TMEM74B: variants seen among roughly 807,000 people sequenced by gnomAD.
TMEM74B encodes transmembrane protein 74B, also known as transmembrane protein C20orf46.
In TMEM74B, 7 loss-of-function variants were observed where a neutral mutation model predicts 6.5. That is an observed-to-expected ratio of 1.07 (90% CI 0.61 to 2.01). TMEM74B has a LOEUF of 2.01. Ranked by LOEUF, TMEM74B falls within the 30% of genes most tolerant of loss-of-function variation. The pLI, the probability that TMEM74B is intolerant of heterozygous loss-of-function variation, is 0.00. For missense variants in TMEM74B, 342 were observed against 337.0 expected, an observed-to-expected ratio of 1.01 and a Z score of -0.12; for synonymous variants, 151 against 151.6, an observed-to-expected ratio of 1.00 and a Z score of 0.03.
rs1453820412 is a variant in TMEM74B at position 1,183,964 on chromosome 20, A to G, written c.-147-16T>C. 2 of 702,550 alleles carry G rather than the reference A, an allele frequency of 2.8e-6. No individual in the cohort carries two copies. Among genetic ancestry groups the G allele is most frequent in the African/African-American group, 3.6e-5 (2 of 55,672 alleles). The allele number at this position is 702,550 out of a possible 1,614,324, so 43.5% of individuals were successfully genotyped here. ...ACTGCTTTTACTTTCCAGTGAATAG[A>G]CAGAAAAAAGAGATGTGTTTGTTGG... On this transcript the variant is annotated splice_polypyrimidine_tract_variant and intron_variant, in intron 1 of 2. Coordinates refer to ENST00000429036, the MANE Select transcript of TMEM74B (RefSeq NM_001304748.2).
chr20:1,184,043 C>T lies in TMEM74B; in HGVS notation c.-147-95G>A. The T allele has an allele frequency of 2.0e-6, 1 of 497,612 alleles. No homozygotes were observed. The highest frequency in any genetic ancestry group is 5.5e-4 in the Middle Eastern group (1 of 1,822). The allele number at this position is 497,612 out of a possible 1,614,324, so 30.8% of individuals were successfully genotyped here. A position where few individuals can be genotyped will look rare whatever the true frequency, so the allele number is the denominator to read the frequency against. ...ATTTTCCTGAGTGCCCAGCCACAAA[C>T]AGGGACCAGCAGTGGGTGCCACATG... is the stretch of plus-strand genomic sequence containing the variant. On this transcript the variant is annotated intron_variant, in intron 1 of 2. Coordinates refer to ENST00000429036, the MANE Select transcript of TMEM74B (RefSeq NM_001304748.2). This position sits in a 1 kb window ranked among gnomAD's most constrained non-coding sequence, Gnocchi z 6.0.
chr20:1,189,012 G>A (rs1246202609), upstream of TMEM74B, among the ~76,000 whole-genome samples: 2 of 152,012 alleles, frequency 1.3e-5, no homozygotes, highest in African/African-American at 4.8e-5. The surrounding 1 kb of genome is among the most constrained non-coding windows in gnomAD (Gnocchi z 4.5). Flanking sequence ...GGGGCAGGTG[G>A]GAAGTAACTT....
upstream of TMEM74B, among the ~76,000 whole-genome samples, chr20:1,187,849 A>G (rs1007600432): frequency 2.0e-5 from 3 of 152,200 alleles, no homozygotes; most frequent in South Asian, 4.1e-4. Flanking sequence ...CTTACAGGCC[A>G]AGTAATTTGT....
chr20:1,189,369 T>A (rs555401430), upstream of TMEM74B: 19 of 152,172 alleles, frequency 1.2e-4, no homozygotes, highest in East Asian at 3.7e-3. The surrounding 1 kb of genome is among the most constrained non-coding windows in gnomAD (Gnocchi z 4.5). Flanking sequence ...GAAAAGGAAA[T>A]TTTGCAAAAA....
upstream of TMEM74B, chr20:1,185,551 A>C (rs1375994187): frequency 6.6e-6 from 1 of 151,250 alleles, no homozygotes; most frequent in Non-Finnish European, 1.5e-5. Flanking sequence ...CCGGAGAGTT[A>C]GCAAGGAGAG....
rs1382675494 is a variant in TMEM74B, at chr20:1,181,216, G to A, written c.403C>T (p.Leu135Phe). ...SALVFLVSGI[L>F]LVVTAYAIPR... ...ATGGCGTATGCTGTCACCACCAGAA[G>A]AATCCCACTCACCAGGAAAACGAGG... The change falls in exon 3 of 3, where the codon CTT becomes TTT. Residue 135 changes from leucine (L) to phenylalanine (F), a missense_variant. Transcript: ENST00000429036. This position sits in a 1 kb window ranked among gnomAD's most constrained non-coding sequence, Gnocchi z 4.9. The A allele has an allele frequency of 1.9e-6, 3 of 1,614,064 alleles. No individual in the cohort carries two copies. The highest frequency in any genetic ancestry group is 3.3e-5 in the Admixed American group (2 of 60,006).
In TMEM74B at chr20:1,181,228, C is replaced by A. The variant is rs1217041687; in HGVS notation, c.391G>T (p.Val131Leu). Residue 131 changes from valine to leucine, a missense_variant, in exon 3 of 3, where the codon GTG becomes TTG. By Grantham distance (32) the Val-to-Leu change is conservative. Coordinates refer to ENST00000429036, the MANE Select transcript of TMEM74B (RefSeq NM_001304748.2). The surrounding 1 kb of genome is among the most constrained non-coding windows in gnomAD (Gnocchi z 4.9). ...YGFVSALVFL[V>L]SGILLVVTAY... ...GTCACCACCAGAAGAATCCCACTCACCAGGAAAACGAGGGCGGAAACAAAG... is the reference window on the plus strand; with the variant it reads ...GTCACCACCAGAAGAATCCCACTCAACAGGAAAACGAGGGCGGAAACAAAG... The A allele has an allele frequency of 1.2e-6, 2 of 1,614,032 alleles. No individual in the cohort carries two copies. Among genetic ancestry groups the A allele is most frequent in the Admixed American group, 3.3e-5 (2 of 59,986 alleles).
rs1316640424 is a variant in TMEM74B, at chr20:1,181,866, TA to T, written c.32-280del. ...ATAAAATAATACTACTACTACCCTCTAGTTCGCAAAGCTGGAGTAGGATTGA... is the reference window on the plus strand; with the variant it reads ...ATAAAATAATACTACTACTACCCTCTGTTCGCAAAGCTGGAGTAGGATTGA... On this transcript the variant is annotated intron_variant, in intron 2 of 2. Coordinates refer to ENST00000429036, the MANE Select transcript of TMEM74B (RefSeq NM_001304748.2). The surrounding 1 kb of genome is among the most constrained non-coding windows in gnomAD (Gnocchi z 4.9). 6.6e-6 allele frequency among the ~76,000 whole-genome samples: 1 copy of T among 152,196 alleles called. No homozygotes were observed.
chr20:1,187,682 C>G (rs1343261736), upstream of TMEM74B, among the ~76,000 whole-genome samples: 2 of 152,090 alleles, frequency 1.3e-5, no homozygotes, highest in Non-Finnish European at 2.9e-5. Context: ...AAAGAGAAGT[C>G]CAGCAGAGCG....
Position 1,184,419 on chromosome 20 carries a change from C to G in TMEM74B, c.-265G>C, listed in dbSNP as rs1181474854. On this transcript the variant is annotated 5_prime_UTR_variant, in exon 1 of 3. Transcript: ENST00000429036. The surrounding 1 kb of genome is among the most constrained non-coding windows in gnomAD (Gnocchi z 6.0). Reference sequence around the variant, plus strand: ...AAACACACCAACTGACATAGCTGCTCCCGCCCACCATTCACACCCCACGAC... The same window carrying G: ...AAACACACCAACTGACATAGCTGCTGCCGCCCACCATTCACACCCCACGAC... 2.0e-5 allele frequency: 3 copies of G among 152,516 alleles called. 1 individual carries two copies. The highest frequency in any genetic ancestry group is 4.1e-4 in the South Asian group (2 of 4,844). 9.4% of individuals were successfully genotyped at this position (152,516 alleles called of 1,614,324 possible). A position where few individuals can be genotyped will look rare whatever the true frequency, so the allele number is the denominator to read the frequency against.
chr20:1,181,808 C>T lies in TMEM74B; in HGVS notation c.32-221G>A, dbSNP rs370911095. 1.1e-4 allele frequency among the ~76,000 whole-genome samples: 17 copies of T among 152,312 alleles called. No individual in the cohort carries two copies. The highest frequency in any genetic ancestry group is 3.9e-4 in the East Asian group (2 of 5,184). Reference sequence around the variant, plus strand: ...GGGTGGGGTATGGCTGTGGGCAATTCACTAATCCTGTCTGGCTTCAGTTTC... The same window carrying T: ...GGGTGGGGTATGGCTGTGGGCAATTTACTAATCCTGTCTGGCTTCAGTTTC... On this transcript the variant is annotated intron_variant, in intron 2 of 2. Transcript: ENST00000429036. The surrounding 1 kb of genome is among the most constrained non-coding windows in gnomAD (Gnocchi z 4.9).
chr20:1,182,124 G>A (rs1224233854), intron 2 of TMEM74B, among the ~76,000 whole-genome samples: 1 of 147,330 alleles, frequency 6.8e-6, no homozygotes, highest in Non-Finnish European at 1.5e-5. Context: ...ATAAAATAGT[G>A]CATGCAAGAC....
chr20:1,187,676 A>G (rs7265089), upstream of TMEM74B, among the ~76,000 whole-genome samples: 5,708 of 152,290 alleles, frequency 0.037, 371 homozygotes, highest in African/African-American at 0.13. Flanking sequence ...GGGAGGAAAG[A>G]GAAGTCCAGC....
In TMEM74B at chr20:1,181,323, C is replaced by T. The variant is rs542183778; in HGVS notation, c.296G>A (p.Arg99Gln). 3.8e-5 allele frequency: 61 copies of T among 1,601,526 alleles called. 1 individual carries two copies. The highest frequency in any genetic ancestry group is 3.3e-4 in the Middle Eastern group (2 of 5,988). ...CTCTGAATGAAGGGACAGATCATCC[C>T]GCTGGGATCGGGGCAGTGAGGAGAC... ...GGVSSLPRSQRDDLSLHSEEG... is the reference protein window; with the variant it reads ...GGVSSLPRSQQDDLSLHSEEG... Residue 99 changes from arginine to glutamine, a missense_variant, in exon 3 of 3, where the codon CGG (arginine) becomes CAG (glutamine). Arg to Gln is a conservative substitution (Grantham distance 43). Transcript: ENST00000429036. This position sits in a 1 kb window ranked among gnomAD's most constrained non-coding sequence, Gnocchi z 4.9.
upstream of TMEM74B, among the ~76,000 whole-genome samples, chr20:1,185,618 C>T (rs2087004107): frequency 6.6e-6 from 1 of 152,052 alleles, no homozygotes; most frequent in South Asian, 2.1e-4. Flanking sequence ...GATCCACCGT[C>T]CTCCCCTCCC....
chr20:1,182,287 T>C (rs376192587), intron 2 of TMEM74B, among the ~76,000 whole-genome samples: 8 of 151,950 alleles, frequency 5.3e-5, no homozygotes, highest in East Asian at 3.9e-4. Flanking sequence ...AGAAGATGAA[T>C]TGGATACTTC....
chr20:1,181,573 T>C lies in TMEM74B; in HGVS notation c.46A>G (p.Arg16Gly), dbSNP rs548324387. 1.4e-6 allele frequency: 2 copies of C among 1,456,844 alleles called. No individual in the cohort carries two copies. The highest frequency in any genetic ancestry group is 1.8e-6 in the Non-Finnish European group (2 of 1,110,186). 90.2% of individuals were successfully genotyped at this position (1,456,844 alleles called of 1,614,324 possible). The change falls in exon 3 of 3, where the codon AGG becomes GGG. Residue 16 changes from arginine (R) to glycine (G), a missense_variant. Physicochemically the swap from Arg to Gly is moderately radical, Grantham distance 125. Coordinates refer to ENST00000429036, the MANE Select transcript of TMEM74B (RefSeq NM_001304748.2). The surrounding 1 kb of genome is among the most constrained non-coding windows in gnomAD (Gnocchi z 4.9). ...GYEFAAAKGP[R>G]DELGPSFPMA... ...GGGAAGGAGGGCCCCAGCTCATCCCTTGGCCCCTTGGCAGCTGGAAGAGAA... is the reference window on the plus strand; with the variant it reads ...GGGAAGGAGGGCCCCAGCTCATCCCCTGGCCCCTTGGCAGCTGGAAGAGAA...
Position 1,180,713 on chromosome 20 carries a change from C to T in TMEM74B, c.*135G>A. 1 of 1,296,304 alleles carries T rather than the reference C, an allele frequency of 7.7e-7. No individual in the cohort carries two copies. The highest frequency in any genetic ancestry group is 1.0e-6 in the Non-Finnish European group (1 of 966,894). The allele number at this position is 1,296,304 out of a possible 1,614,324, so 80.3% of individuals were successfully genotyped here. ...GGGCCCCGAGCTCTCCCTCCAGCAC[C>T]CAGTACTTCTTCCACAAGGCCCTAT... On this transcript the variant is annotated 3_prime_UTR_variant, in exon 3 of 3. Coordinates refer to ENST00000429036, the MANE Select transcript of TMEM74B (RefSeq NM_001304748.2). This position sits in a 1 kb window ranked among gnomAD's most constrained non-coding sequence, Gnocchi z 6.1.
rs754545324 is a variant in TMEM74B at position 1,180,919 on chromosome 20, C to T, written c.700G>A (p.Gly234Arg). 1.9e-5 allele frequency: 30 copies of T among 1,613,574 alleles called. No homozygotes were observed. The highest frequency in any genetic ancestry group is 2.5e-5 in the Non-Finnish European group (29 of 1,179,700). The change falls in exon 3 of 3, where the codon GGG (glycine) becomes AGG (arginine). Residue 234 changes from glycine (G) to arginine (R), a missense_variant. Transcript: ENST00000429036. This position sits in a 1 kb window ranked among gnomAD's most constrained non-coding sequence, Gnocchi z 6.1. ...NLRMRQLNGD[G>R]GQALVENEVV... ...TCATTCTCCACCAGGGCCTGGCCCC[C>T]ATCCCCATTGAGCTGTCTCATGCGC...
Sources: gnomAD v4.1 joint callset for allele counts (sites outside exome capture counted in the v4.1 genomes callset) on GRCh38, gnomAD v4.1.1 for gene constraint, Gnocchi (gnomAD v3.1) non-coding constraint, MANE v1.5 for transcripts, NCBI Gene and HGNC (gene_info 2026-07-23, HGNC 2026-07-21) for gene names.